The following ASAP1 variants were observed in gnomAD, a reference collection of about 807,000 sequenced individuals.
ASAP1 encodes ArfGAP with SH3 domain, ankyrin repeat and PH domain 1.
Under a neutral mutation model 145.2 loss-of-function variants are expected in ASAP1, and 43 were observed. That is an observed-to-expected ratio of 0.30 (90% CI 0.23 to 0.38). The LOEUF is 0.38. Among genes scored for constraint, ASAP1 ranks in the 10% least tolerant of loss-of-function variants. ASAP1 has a pLI of 1.00. For missense variants in ASAP1, 1,018 were observed against 1,355.3 expected (o/e 0.75, Z 3.91); for synonymous variants, 546 against 515.5 (o/e 1.06, Z -0.80).
At chr8:130,193,739 T>C (rs977623514) in intron 5 of ASAP1, among the ~76,000 whole-genome samples, 1 of 152,212 alleles carries the variant, frequency 6.6e-6, no homozygotes, top group African/African-American at 2.4e-5. Flanking sequence ...GGCTGTATTA[T>C]AAAATAACAA....
At chr8:130,179,897 T>A (rs1814227550) in intron 8 of ASAP1, among the ~76,000 whole-genome samples, 1 of 152,066 alleles carries the variant, frequency 6.6e-6, no homozygotes, top group African/African-American at 2.4e-5. Context: ...TTTGCTCACT[T>A]GTTTTATTCT....
intron 3 of ASAP1, among the ~76,000 whole-genome samples, chr8:130,317,273 A>G (rs757715661): frequency 2.6e-5 from 4 of 152,164 alleles, no homozygotes; most frequent in South Asian, 2.1e-4. Context: ...TCCCCATATC[A>G]TTATACAGTA....
chr8:130,189,872 G>A (rs1815018099), intron 5 of ASAP1, among the ~76,000 whole-genome samples: 1 of 152,112 alleles, frequency 6.6e-6, no homozygotes, highest in Admixed American at 6.6e-5. Context: ...ATATTTCACT[G>A]AAGTTTTGAT....
chr8:130,387,734 T>G (rs1475915729), intron 2 of ASAP1, among the ~76,000 whole-genome samples: 1 of 151,766 alleles, frequency 6.6e-6, no homozygotes, highest in Non-Finnish European at 1.5e-5. Flanking sequence ...GTCTAGTCCA[T>G]GAAAGGATTC....
intron 3 of ASAP1, among the ~76,000 whole-genome samples, chr8:130,311,587 C>A (rs1470569564): frequency 6.6e-6 from 1 of 151,894 alleles, no homozygotes; most frequent in African/African-American, 2.4e-5. Flanking sequence ...CATGGAGAAA[C>A]CCTGTCTCTA....
intron 3 of ASAP1, among the ~76,000 whole-genome samples, chr8:130,263,612 TTCTC>T (rs1820072915): frequency 6.6e-6 from 1 of 152,192 alleles, no homozygotes; most frequent in Admixed American, 6.5e-5. Context: ...ACTGAAATGG[TTCTC>T]TCTGTTATTT....
At chr8:130,439,218 G>A (rs1830413640) in intron 1 of ASAP1, among the ~76,000 whole-genome samples, 1 of 152,116 alleles carries the variant, frequency 6.6e-6, no homozygotes, top group Non-Finnish European at 1.5e-5. Flanking sequence ...TATGCAAGTG[G>A]CCTCCTGATA....
chr8:130,439,882 A>T (rs767948912), intron 1 of ASAP1, among the ~76,000 whole-genome samples: 15 of 152,206 alleles, frequency 9.9e-5, no homozygotes, highest in Non-Finnish European at 1.6e-4. Flanking sequence ...TGCCTGCCTG[A>T]AATCTCCACA....
chr8:130,212,692 A>C (rs757763721), intron 5 of ASAP1, among the ~76,000 whole-genome samples: 2 of 152,222 alleles, frequency 1.3e-5, no homozygotes, highest in Non-Finnish European at 2.9e-5. Flanking sequence ...ACATTCAATA[A>C]ATCTCAGATG....
At position 130,351,001 on chromosome 8, in the gene ASAP1, T is replaced by C. The variant is rs1352826303; in HGVS notation, c.186+7016A>G. Among the ~76,000 whole-genome samples the C allele has an allele frequency of 5.9e-5, 9 of 152,380 alleles. No homozygotes were observed. In the East Asian group the frequency reaches 1.7e-3, roughly 29 times the overall value. Reference sequence around the variant, plus strand: ...CACATCTGCCCAGTCCAAGGAGGATTGCTTGCAGCACTGTCTTTGATCACA... The same window carrying C: ...CACATCTGCCCAGTCCAAGGAGGATCGCTTGCAGCACTGTCTTTGATCACA... On this transcript the variant is annotated intron_variant, in intron 3 of 29. Coordinates refer to ENST00000518721, the MANE Select transcript of ASAP1 (RefSeq NM_018482.4).
intron 3 of ASAP1, among the ~76,000 whole-genome samples, chr8:130,346,062 G>T (rs1310927477): frequency 1.3e-5 from 2 of 152,146 alleles, no homozygotes; most frequent in Admixed American, 1.3e-4. Flanking sequence ...CTTTTTACCA[G>T]GTCTGCCTTC....
chr8:130,351,686 C>T (rs1207129306), intron 3 of ASAP1, among the ~76,000 whole-genome samples: 2 of 152,124 alleles, frequency 1.3e-5, no homozygotes, highest in Non-Finnish European at 2.9e-5. Context: ...AACACTGGAT[C>T]TCAAGAGAAC....
intron 3 of ASAP1, among the ~76,000 whole-genome samples, chr8:130,334,248 T>C (rs774912039): frequency 2.6e-5 from 4 of 152,220 alleles, no homozygotes; most frequent in Non-Finnish European, 5.9e-5. Context: ...TACTCTTTGA[T>C]TTTCAGGTAA....
chr8:130,125,817 T>C (rs2097574119), intron 17 of ASAP1, 139 bp downstream of exon 17: 1 of 803,470 alleles, frequency 1.2e-6, no homozygotes, highest in Non-Finnish European at 1.8e-6. Context: ...AGTTACATTT[T>C]AAACGTCTAC....
intron 2 of ASAP1, among the ~76,000 whole-genome samples, chr8:130,368,085 A>G (rs749444784): frequency 6.6e-6 from 1 of 152,200 alleles, no homozygotes; most frequent in Non-Finnish European, 1.5e-5. Flanking sequence ...TACAATTGCT[A>G]GCAAACCTTC....
At chr8:130,108,341 C>G (rs937934527) in intron 24 of ASAP1, among the ~76,000 whole-genome samples, 3 of 152,328 alleles carry the variant, frequency 2.0e-5, no homozygotes, top group Admixed American at 1.3e-4. Context: ...CTGTAATTAG[C>G]ATATCAGGTG....
chr8:130,396,656 C>T (rs1828543564), intron 2 of ASAP1, among the ~76,000 whole-genome samples: 1 of 152,220 alleles, frequency 6.6e-6, no homozygotes, highest in South Asian at 2.1e-4. Context: ...AGAGGTCAGC[C>T]TTCTGCATTC....
In ASAP1 at chr8:130,117,012, T is replaced by C; in HGVS notation, c.1881-17A>G. 1.3e-6 allele frequency: 2 copies of C among 1,564,078 alleles called. No homozygotes were observed. The highest frequency in any genetic ancestry group is 1.7e-6 in the Non-Finnish European group (2 of 1,148,150). The stretch of plus-strand genomic sequence containing the variant: ...AGGTTCCCACTGAAAAATTAGATGA[T>C]GATTAGAAAAAAATGACTTACTTTA... On this transcript the variant is annotated splice_polypyrimidine_tract_variant and intron_variant, in intron 20 of 29. Coordinates refer to ENST00000518721, the MANE Select transcript of ASAP1 (RefSeq NM_018482.4).
Position 130,153,923 on chromosome 8 carries a change from G to A in ASAP1, c.1011-1118C>T, listed in dbSNP as rs547269129. Among the ~76,000 whole-genome samples, 3 of 152,252 alleles carry A rather than the reference G, an allele frequency of 2.0e-5. No individual in the cohort carries two copies. In the South Asian group the frequency reaches 6.2e-4, roughly 32 times the overall value. On this transcript the variant is annotated intron_variant, in intron 12 of 29. Transcript: ENST00000518721. ...AAAATTAAGAAAGTGGTTGGGCATG[G>A]TGGCTCATGCCCGTAATCCCAGCAC...
Sources: allele counts gnomAD v4.1 joint callset (sites outside exome capture counted in the v4.1 genomes callset), GRCh38; gene constraint gnomAD v4.1.1; transcripts MANE v1.5; gene names NCBI Gene and HGNC (gene_info 2026-07-23, HGNC 2026-07-21).